The following CFAP47 variants were observed in gnomAD, a reference collection of about 807,000 sequenced individuals.
CFAP47 encodes the protein cilia and flagella associated protein 47, also known as cilia- and flagella-associated protein 47.
Under a neutral mutation model 148.1 loss-of-function variants are expected in CFAP47, and 29 were observed. That is an observed-to-expected ratio of 0.20 (90% CI 0.15 to 0.27). The LOEUF (loss-of-function observed/expected upper bound fraction) is 0.27. CFAP47 is among the 10% of genes least tolerant of loss of function. The pLI is 1.00. For missense variants in CFAP47, 1,872 were observed against 1,697.5 expected (o/e 1.10, Z -1.81); for synonymous variants, 664 against 577.3 (o/e 1.15, Z -2.15).
At chrX:36,019,351 C>G in intron 22 of CFAP47, among the ~76,000 whole-genome samples, 1 of 111,984 alleles carries the variant, frequency 8.9e-6, no homozygotes. Context: ...AAAGCAAACA[C>G]GATTTGCAGG....
intron 45 of CFAP47, among the ~76,000 whole-genome samples, chrX:36,214,579 T>A (rs1940139357): frequency 1.8e-5 from 2 of 111,956 alleles, no homozygotes; most frequent in Admixed American, 9.5e-5. Context: ...AAAAATATTT[T>A]CTTTCTTTAT....
intron 29 of CFAP47, among the ~76,000 whole-genome samples, chrX:36,076,052 G>C (rs1034527883): frequency 1.8e-4 from 20 of 111,359 alleles, no homozygotes; most frequent in African/African-American, 6.5e-4. Context: ...CCCCACAATG[G>C]GATTGCTGGG....
intron 32 of CFAP47, among the ~76,000 whole-genome samples, chrX:36,102,480 T>C (rs1266238745): frequency 8.9e-6 from 1 of 112,023 alleles, no homozygotes; most frequent in Non-Finnish European, 1.9e-5. Context: ...TTAATAAGTT[T>C]TTTTTTACCA....
intron 51 of CFAP47, among the ~76,000 whole-genome samples, chrX:36,292,982 A>G (rs73199362): frequency 0.058 from 6,454 of 111,040 alleles, 161 homozygotes; most frequent in Middle Eastern, 0.13. Flanking sequence ...TAATATGTAT[A>G]TACATATACA....
At chrX:36,088,111 A>G (rs1478574565) in intron 30 of CFAP47, among the ~76,000 whole-genome samples, 1 of 111,556 alleles carries the variant, frequency 9.0e-6, no homozygotes, top group Non-Finnish European at 1.9e-5. Flanking sequence ...ATCATTTTAC[A>G]TTAGTTATCT....
intron 2 of CFAP47, among the ~76,000 whole-genome samples, chrX:35,928,369 C>A (rs1224073608): frequency 9.0e-6 from 1 of 111,387 alleles, no homozygotes; most frequent in Non-Finnish European, 1.9e-5. Flanking sequence ...TTAATGGAAT[C>A]TCTCCATAGT....
At chrX:36,338,368 T>C (rs975998939) in intron 57 of CFAP47, among the ~76,000 whole-genome samples, 1 of 111,031 alleles carries the variant, frequency 9.0e-6, no homozygotes, top group Admixed American at 9.6e-5. Flanking sequence ...TCACTTCTTA[T>C]ATCATTATCT....
chrX:36,371,757 C>CATGTGTATAT (rs1556021665), intron 62 of CFAP47, among the ~76,000 whole-genome samples: 1 of 46,084 alleles, frequency 2.2e-5, no homozygotes, highest in African/African-American at 1.8e-4. Flanking sequence ...TATATACACA[C>CATGTGTATAT]ATGTGTGTAT....
intron 63 of CFAP47, among the ~76,000 whole-genome samples, chrX:36,383,217 C>T (rs1319843341): frequency 9.0e-6 from 1 of 111,532 alleles, no homozygotes; most frequent in Non-Finnish European, 1.9e-5. Context: ...GACTTTAAAA[C>T]AATGTTTTTA....
At chrX:35,960,409 G>GAAAAAAAAAAAAAT (rs1936313788) in intron 8 of CFAP47, among the ~76,000 whole-genome samples, 1 of 69,695 alleles carries the variant, frequency 1.4e-5, no homozygotes, top group African/African-American at 9.2e-5. Flanking sequence ...AAAAAAAAAG[G>GAAAAAAAAAAAAAT]ACAGCTGGAA....
At chrX:35,936,373 T>C (rs1231784623) in intron 2 of CFAP47, among the ~76,000 whole-genome samples, 1 of 111,707 alleles carries the variant, frequency 9.0e-6, no homozygotes, top group East Asian at 2.8e-4. Context: ...TTTTTATAAC[T>C]TGTATTTATT....
intron 39 of CFAP47, among the ~76,000 whole-genome samples, chrX:36,178,475 G>GT (rs1939712738): frequency 7.3e-5 from 8 of 110,323 alleles, no homozygotes; most frequent in African/African-American, 2.6e-4. Flanking sequence ...TGTGTTTGTG[G>GT]GTGTGTGTGT....
chrX:36,012,862 A>G (rs904856269), intron 21 of CFAP47, among the ~76,000 whole-genome samples: 1 of 111,601 alleles, frequency 9.0e-6, no homozygotes, highest in Admixed American at 9.5e-5. Flanking sequence ...TAAAGAAAAC[A>G]GGTCCCAGGG....
chrX:36,054,198 C>T (rs971425362), intron 26 of CFAP47, among the ~76,000 whole-genome samples: 2 of 112,221 alleles, frequency 1.8e-5, no homozygotes, highest in African/African-American at 3.2e-5. Flanking sequence ...TCCATCTCAT[C>T]TTCCTCAGAC....
At chrX:36,121,997 G>T (rs982950503) in intron 33 of CFAP47, among the ~76,000 whole-genome samples, 14 of 111,303 alleles carry the variant, frequency 1.3e-4, no homozygotes, top group Admixed American at 1.9e-4. Context: ...GCTTTTGTTT[G>T]TCTGATAAAC....
chrX:36,004,203 C>T (rs1936953961), intron 21 of CFAP47, among the ~76,000 whole-genome samples: 1 of 109,628 alleles, frequency 9.1e-6, no homozygotes, highest in Non-Finnish European at 1.9e-5. Context: ...TCTCGAATTC[C>T]TGACCTCAGG....
At chrX:35,999,109 A>T (rs932222328) in intron 19 of CFAP47, among the ~76,000 whole-genome samples, 1 of 112,007 alleles carries the variant, frequency 8.9e-6, no homozygotes, top group African/African-American at 3.2e-5. Context: ...CACATATACA[A>T]TGCTCATTTG....
At chrX:36,075,517 C>T (rs1000754146) in intron 29 of CFAP47, among the ~76,000 whole-genome samples, 9 of 112,152 alleles carry the variant, frequency 8.0e-5, no homozygotes, top group African/African-American at 2.6e-4. Flanking sequence ...TGAGCCACTG[C>T]GCCCAGCCTG....
chrX:36,054,696 C>A (rs1308642788), intron 26 of CFAP47, among the ~76,000 whole-genome samples: 1 of 111,377 alleles, frequency 9.0e-6, no homozygotes, highest in Non-Finnish European at 1.9e-5. Context: ...TAAAATTCAT[C>A]ATTTTAATGC....
Sources: allele counts gnomAD v4.1 joint callset (sites outside exome capture counted in the v4.1 genomes callset), GRCh38; gene constraint gnomAD v4.1.1; transcripts MANE v1.5; gene names NCBI Gene and HGNC (gene_info 2026-07-23, HGNC 2026-07-21).